The following DEFB116 variants were observed in gnomAD, a reference collection of about 807,000 sequenced individuals.
The protein encoded by DEFB116 is beta-defensin 116.
Under a neutral mutation model 2.8 loss-of-function variants are expected in DEFB116, and 5 were observed. The ratio of observed to expected loss-of-function variants is 1.80; its 90% CI spans 0.94 to 3.79. The LOEUF (loss-of-function observed/expected upper bound fraction) is 3.79. Among genes scored for constraint, DEFB116 ranks in the 30% most tolerant of loss-of-function variants. The pLI is 0.00. For synonymous variants in DEFB116, 56 were observed against 40.8 expected (o/e 1.37, Z -1.42); for missense variants, 170 against 118.0 (o/e 1.44, Z -2.04).
chr20:31,307,856 C>T (rs1037867206), intron 1 of DEFB116, among the ~76,000 whole-genome samples: 1 of 151,846 alleles, frequency 6.6e-6, no homozygotes, highest in Non-Finnish European at 1.5e-5. Flanking sequence ...CAAGCCCTAC[C>T]TCTTCTAATA....
intron 1 of DEFB116, among the ~76,000 whole-genome samples, chr20:31,305,246 G>A (rs1984968659): frequency 6.6e-6 from 1 of 152,036 alleles, no homozygotes; most frequent in Non-Finnish European, 1.5e-5. Flanking sequence ...GAAGAAGATT[G>A]CAAAGGGCCT....
At chr20:31,305,173 C>A (rs1340600425) in intron 1 of DEFB116, among the ~76,000 whole-genome samples, 1 of 152,060 alleles carries the variant, frequency 6.6e-6, no homozygotes, top group Non-Finnish European at 1.5e-5. Context: ...CCACCTTAAT[C>A]TTCACCCTTA....
In DEFB116 at chr20:31,303,263, G is replaced by A. The variant is rs1414214890; in HGVS notation, c.258C>T (p.Asp86=). The A allele has an allele frequency of 6.8e-6, 11 of 1,613,580 alleles. No homozygotes were observed. Among genetic ancestry groups the A allele is most frequent in the African/African-American group, 1.3e-5 (1 of 74,998 alleles). ...TTGTAACTGACAAGTTGGAGTTAGA[G>A]TCGTAATCCTCCTTCACATTTTTAG... is the stretch of plus-strand genomic sequence containing the variant. ...TSSKNVKEDY[D]SNSNLSVTNS... Residue 86 remains aspartate, a synonymous_variant, in exon 2 of 2, where the codon GAC becomes GAT. Coordinates refer to ENST00000400549, the MANE Select transcript of DEFB116 (RefSeq NM_001037731.1).
chr20:31,306,242 T>C (rs181576114), intron 1 of DEFB116, among the ~76,000 whole-genome samples: 2 of 152,274 alleles, frequency 1.3e-5, no homozygotes, highest in Admixed American at 1.3e-4. Flanking sequence ...AATAAGTATT[T>C]GCTAAAGCCT....
chr20:31,304,231 CTT>C (rs1984944258), intron 1 of DEFB116, among the ~76,000 whole-genome samples: 1 of 152,084 alleles, frequency 6.6e-6, no homozygotes, highest in African/African-American at 2.4e-5. Context: ...AACATAAGCT[CTT>C]TGCCTGAAAA....
intron 1 of DEFB116, among the ~76,000 whole-genome samples, chr20:31,306,517 T>A (rs1322935707): frequency 6.6e-6 from 1 of 152,148 alleles, no homozygotes; most frequent in African/African-American, 2.4e-5. Context: ...TGTTGTTGTT[T>A]GTGTTTCTTG....
Sources: gnomAD v4.1 joint callset for allele counts (sites outside exome capture counted in the v4.1 genomes callset) on GRCh38, gnomAD v4.1.1 for gene constraint, MANE v1.5 for transcripts, NCBI Gene and HGNC (gene_info 2026-07-23, HGNC 2026-07-21) for gene names.